The following PKD1L3 variants were observed in gnomAD, a reference collection of about 807,000 sequenced individuals.
PKD1L3 encodes the protein polycystin-1-like protein 3.
PKD1L3 carries 239 observed loss-of-function variants against 184.1 expected under a neutral mutation model. The ratio of observed to expected loss-of-function variants is 1.30; its 90% CI spans 1.17 to 1.45. The LOEUF (loss-of-function observed/expected upper bound fraction) is 1.45, where lower values mean the gene tolerates loss of function less well. PKD1L3 is among the 40% of genes most tolerant of loss of function. PKD1L3 has a pLI of 0.00. For missense variants in PKD1L3, 2,660 were observed against 2,067.2 expected (o/e 1.29, Z -5.56); for synonymous variants, 996 against 778.8 (o/e 1.28, Z -4.64).
chr16:71,992,672 C>G (rs1430937551), intron 3 of PKD1L3, among the ~76,000 whole-genome samples: 1 of 152,102 alleles, frequency 6.6e-6, no homozygotes, highest in Admixed American at 6.5e-5. Context: ...CTAAATAAAA[C>G]CTTCTATATT....
At chr16:71,952,806 C>T in intron 18 of PKD1L3, 88 bp downstream of exon 18, 3 of 1,359,130 alleles carry the variant, frequency 2.2e-6, no homozygotes. Context: ...CCACTACACT[C>T]CAGTCTGTGC....
chr16:71,937,356 C>T lies in PKD1L3; in HGVS notation c.4388G>A (p.Cys1463Tyr), dbSNP rs759252309. The T allele has an allele frequency of 5.2e-5, 80 of 1,551,580 alleles. No individual in the cohort carries two copies. The highest frequency in any genetic ancestry group is 6.6e-5 in the Non-Finnish European group (76 of 1,146,992). Reference protein sequence around the residue: ...FTSLQMSKKGCVWSIISQVIY... With the variant: ...FTSLQMSKKGYVWSIISQVIY... ...GACTTGTGAGATGATAGACCAGACACAGCCCTTCTTTGACATCTGAAGGGA... is the reference window on the plus strand; with the variant it reads ...GACTTGTGAGATGATAGACCAGACATAGCCCTTCTTTGACATCTGAAGGGA... Residue 1463 changes from cysteine (C) to tyrosine (Y), a missense_variant, in exon 25 of 30, where the codon TGT becomes TAT. Transcript: ENST00000620267.
In PKD1L3 at chr16:71,954,219, G is replaced by T; in HGVS notation, c.2695C>A (p.Gln899Lys). ...GACAGCCGTTGGACCCTTGTAAACT[G>T]GTTCCAGGGATGCCGAGTTGCAATT... ...LSIATRHPWN[Q>K]FTRVQRLSCC... is the part of the protein sequence containing the mutation. The change falls in exon 17 of 30, where the codon CAG becomes AAG. Residue 899 changes from glutamine to lysine, a missense_variant. Physicochemically the swap from Gln to Lys is moderately conservative, Grantham distance 53. Transcript: ENST00000620267. The T allele has an allele frequency of 6.4e-6, 10 of 1,551,318 alleles. No homozygotes were observed. Among genetic ancestry groups the T allele is most frequent in the Non-Finnish European group, 7.8e-6 (9 of 1,146,674 alleles).
chr16:71,950,079 G>C, intron 20 of PKD1L3, 39 bp downstream of exon 20: 1 of 1,548,644 alleles, frequency 6.5e-7, no homozygotes, highest in Admixed American at 2.0e-5. Context: ...GGATGAGGAA[G>C]ATTACAGGGG....
At chr16:71,957,776 T>C (rs541308013) in intron 16 of PKD1L3, among the ~76,000 whole-genome samples, 1 of 152,258 alleles carries the variant, frequency 6.6e-6, no homozygotes, top group South Asian at 2.1e-4. Context: ...TGGAAGAAGG[T>C]ATTCCATGTA....
chr16:71,933,349 T>A, intron 28 of PKD1L3, 71 bp downstream of exon 28: 2 of 1,194,662 alleles, frequency 1.7e-6, no homozygotes, highest in Non-Finnish European at 2.4e-6. Flanking sequence ...GGGGCTGTTT[T>A]CATAAGGACC....
At chr16:71,978,518 T>C (rs79306391) in intron 9 of PKD1L3, 135 bp from the exon 10 acceptor site, 2,069 of 110,584 alleles carry the variant, frequency 0.019, 69 homozygotes, top group African/African-American at 0.055. Flanking sequence ...TATATATATA[T>C]ATACATACAT....
chr16:71,947,725 T>C (rs1187629869), intron 21 of PKD1L3, 134 bp from the exon 22 acceptor site: 4 of 620,640 alleles, frequency 6.4e-6, no homozygotes, highest in African/African-American at 1.8e-5. Flanking sequence ...AAAAACTAAT[T>C]TCACATTAAT....
chr16:71,990,744 C>T (rs946965356), intron 3 of PKD1L3, among the ~76,000 whole-genome samples: 2 of 146,122 alleles, frequency 1.4e-5, no homozygotes, highest in African/African-American at 5.1e-5. Context: ...CACCCCCTGC[C>T]AAAAAAAAAT....
intron 22 of PKD1L3, among the ~76,000 whole-genome samples, chr16:71,946,752 T>A (rs963710911): frequency 1.8e-5 from 1 of 55,626 alleles, no homozygotes; most frequent in Non-Finnish European, 3.4e-5. Flanking sequence ...TTTGACATAC[T>A]TGGAGGCATC....
intron 6 of PKD1L3, among the ~76,000 whole-genome samples, chr16:71,983,453 C>A (rs539826890): frequency 6.6e-6 from 1 of 151,928 alleles, no homozygotes; most frequent in African/African-American, 2.4e-5. Context: ...CACTGAATGC[C>A]GACAGACTTC....
chr16:71,989,186 C>T (rs2040492869), intron 4 of PKD1L3, among the ~76,000 whole-genome samples: 1 of 152,064 alleles, frequency 6.6e-6, no homozygotes, highest in African/African-American at 2.4e-5. Context: ...ATGCAGTCTC[C>T]CTCTGTCGCC....
rs2038140475 is a variant in PKD1L3, at chr16:71,935,420, A to G, written c.4551T>C (p.Leu1517=). The G allele has an allele frequency of 6.4e-7, 1 of 1,551,984 alleles. No homozygotes were observed. Among genetic ancestry groups the G allele is most frequent in the Non-Finnish European group, 8.7e-7 (1 of 1,147,044 alleles). The part of the protein sequence containing the change: ...IILISFILLG[L]DMKSISLHKK... ...TATGTAGAGAAATACTCTTCATGTCAAGCCCCAGGAGGATGAAGCTAATGA... is the reference window on the plus strand; with the variant it reads ...TATGTAGAGAAATACTCTTCATGTCGAGCCCCAGGAGGATGAAGCTAATGA... Residue 1517 remains leucine (L), a synonymous_variant, in exon 26 of 30, where the codon CTT becomes CTC. Transcript: ENST00000620267.
intron 21 of PKD1L3, among the ~76,000 whole-genome samples, chr16:71,949,509 G>A (rs192308236): frequency 1.2e-4 from 18 of 151,954 alleles, no homozygotes; most frequent in Admixed American, 9.8e-4. Context: ...ACACCACCAT[G>A]CCTGGCTAAT....
intron 28 of PKD1L3, among the ~76,000 whole-genome samples, chr16:71,932,774 C>T (rs2038025602): frequency 6.9e-6 from 1 of 145,834 alleles, no homozygotes; most frequent in Non-Finnish European, 1.5e-5. Flanking sequence ...AGCCACCGCA[C>T]CTGGCCTTTT....
rs932168681 is a variant in PKD1L3, at chr16:71,978,375, T to C, written c.1407A>G (p.Gly469=). ...KHPGVNVQIT[G]LAFNPFKDLD... ...AATCCTTGAAGGGATTGAAAGCTAG[T>C]CCTGTTATCTAAAGACAAAGAGAAG... Residue 469 remains glycine (G), a synonymous_variant, in exon 10 of 30, where the codon GGA becomes GGG. Coordinates refer to ENST00000620267, the MANE Select transcript of PKD1L3 (RefSeq NM_181536.2). 14 of 1,548,550 alleles carry C rather than the reference T, an allele frequency of 9.0e-6. No homozygotes were observed. Among genetic ancestry groups the C allele is most frequent in the Admixed American group, 3.9e-5 (2 of 50,806 alleles).
rs765848019 is a variant in PKD1L3 at position 71,973,509 on chromosome 16, ACTC to A, written c.1765_1767del (p.Glu589del). The A allele has an allele frequency of 3.5e-5, 55 of 1,551,444 alleles. No homozygotes were observed. The highest frequency in any genetic ancestry group is 1.6e-4 in the Admixed American group (8 of 50,960). ...TGCTCTGGATTCAGCACCCACGTGT[ACTC>A]CTCATCTTAGAACAAAGAAGAGTGC... On this transcript the variant is annotated inframe_deletion, in exon 12 of 30. Coordinates refer to ENST00000620267, the MANE Select transcript of PKD1L3 (RefSeq NM_181536.2).
rs1215932148 is a variant in PKD1L3 at position 71,950,262 on chromosome 16, A to C, written c.3239T>G (p.Leu1080Arg). 3.9e-6 allele frequency: 6 copies of C among 1,551,486 alleles called. No individual in the cohort carries two copies. The African/African-American group carries it at 8.2e-5, about 21-fold the overall frequency. Residue 1080 changes from leucine (L) to arginine (R), a missense_variant, in exon 20 of 30, where the codon CTG (leucine) becomes CGG (arginine). Physicochemically the swap from Leu to Arg is moderately radical, Grantham distance 102. Coordinates refer to ENST00000620267, the MANE Select transcript of PKD1L3 (RefSeq NM_181536.2). ...GCCTAAGTGAGATTTCAGCCTCTGC[A>C]GAACTCTATGCAGGTAACAGCAGAA... ...HHFCCYLHRV[L>R]QRLKSHLGTL... is the part of the protein sequence containing the mutation.
intron 24 of PKD1L3, among the ~76,000 whole-genome samples, chr16:71,940,717 C>G (rs1317391823): frequency 6.6e-6 from 1 of 152,106 alleles, no homozygotes; most frequent in Admixed American, 6.6e-5. Flanking sequence ...CCAGGCTAGT[C>G]TCAAACTCCT....
Sources: allele counts gnomAD v4.1 joint callset (sites outside exome capture counted in the v4.1 genomes callset), GRCh38; gene constraint gnomAD v4.1.1; transcripts MANE v1.5; gene names NCBI Gene and HGNC (gene_info 2026-07-23, HGNC 2026-07-21).